The following RELL1 variants were observed in gnomAD, a reference collection of about 807,000 sequenced individuals.
The protein encoded by RELL1 is RELT-like protein 1.
In RELL1, 10 loss-of-function variants were observed where a neutral mutation model predicts 23.0. That is an observed-to-expected ratio of 0.43 (90% confidence interval 0.27 to 0.74). The LOEUF is 0.74. Among genes scored for constraint, RELL1 ranks in the 30% least tolerant of loss-of-function variants. RELL1 has a pLI of 0.19. For synonymous variants in RELL1, 146 were observed against 146.8 expected (o/e 0.99, Z 0.04); for missense variants, 315 against 364.4 (o/e 0.86, Z 1.10).
At chr4:37,610,101 CTG>C (rs1224068614), downstream of RELL1, among the ~76,000 whole-genome samples, 1 of 152,184 alleles carries the variant, frequency 6.6e-6, no homozygotes, top group African/African-American at 2.4e-5. This position sits in a 1 kb window ranked among gnomAD's most constrained non-coding sequence, Gnocchi z 4.1. Context: ...AACTTTATCA[CTG>C]TGTTATTTTA....
At chr4:37,630,933 T>C (rs1720107883) in intron 6 of RELL1, among the ~76,000 whole-genome samples, 1 of 151,280 alleles carries the variant, frequency 6.6e-6, no homozygotes, top group Non-Finnish European at 1.5e-5. Flanking sequence ...TTGGCCTGCA[T>C]GGTTGTTTAA....
At chr4:37,595,508 A>G (rs1285195544) in intron 6 of RELL1, among the ~76,000 whole-genome samples, 1 of 151,842 alleles carries the variant, frequency 6.6e-6, no homozygotes, top group Non-Finnish European at 1.5e-5. Context: ...GTCTGGAGTT[A>G]GTGATCTTTT....
intron 3 of RELL1, among the ~76,000 whole-genome samples, chr4:37,640,418 A>G (rs1213399172): frequency 1.3e-5 from 2 of 152,232 alleles, no homozygotes; most frequent in South Asian, 2.1e-4. Flanking sequence ...CTAATAAATG[A>G]GGATTCAGAA....
At chr4:37,604,900 GACAC>G (rs1483293891) in intron 6 of RELL1, among the ~76,000 whole-genome samples, 1,349 of 65,136 alleles carry the variant, frequency 0.021, 122 homozygotes, top group African/African-American at 0.034. Flanking sequence ...CACACACACA[GACAC>G]ACACACACAC....
chr4:37,666,023 G>A (rs1232222757), intron 1 of RELL1, among the ~76,000 whole-genome samples: 3 of 152,194 alleles, frequency 2.0e-5, no homozygotes, highest in Non-Finnish European at 2.9e-5. Context: ...GATGGTGACT[G>A]ATGCCCCTGT....
chr4:37,624,492 C>T (rs373699369), intron 6 of RELL1, among the ~76,000 whole-genome samples: 202 of 148,646 alleles, frequency 1.4e-3, no homozygotes, highest in African/African-American at 4.2e-3. Flanking sequence ...TGTGCAATCT[C>T]GGCTCACTGC....
At chr4:37,680,188 C>T (rs77638586) in intron 1 of RELL1, among the ~76,000 whole-genome samples, 5,669 of 152,162 alleles carry the variant, frequency 0.037, 153 homozygotes, top group African/African-American at 0.073. Flanking sequence ...AACAAATTAG[C>T]GAATATGTTT....
intron 1 of RELL1, among the ~76,000 whole-genome samples, chr4:37,660,802 C>T (rs532714176): frequency 1.1e-4 from 17 of 152,200 alleles, no homozygotes; most frequent in South Asian, 2.1e-4. Context: ...GAGGCCAAGG[C>T]GGGCAGATCA....
At chr4:37,683,274 G>A (rs4407515) in intron 1 of RELL1, among the ~76,000 whole-genome samples, 80,273 of 152,034 alleles carry the variant, frequency 0.53, 23,624 homozygotes, top group East Asian at 0.79. Context: ...AATCAAGCAG[G>A]CTGGGTTATC....
At chr4:37,666,108 A>T (rs1185477433) in intron 1 of RELL1, among the ~76,000 whole-genome samples, 1 of 152,238 alleles carries the variant, frequency 6.6e-6, no homozygotes, top group Non-Finnish European at 1.5e-5. Flanking sequence ...AACTGCTAAC[A>T]GCCACTAACC....
In RELL1 at chr4:37,634,966, G is replaced by T; in HGVS notation, c.601C>A (p.His201Asn). 1 of 1,614,218 alleles carries T rather than the reference G, an allele frequency of 6.2e-7. No individual in the cohort carries two copies. Among genetic ancestry groups the T allele is most frequent in the Non-Finnish European group, 8.5e-7 (1 of 1,180,044 alleles). ...GACTTGTTAGTGGGCTTTATAAAGT[G>T]CCACCGCTTGTGCCTACACCGATGA... Reference protein sequence around the residue: ...VCHRCRHKRWHFIKPTNKSRE... With the variant: ...VCHRCRHKRWNFIKPTNKSRE... The change falls in exon 5 of 7, where the codon CAC becomes AAC. Residue 201 changes from histidine (H) to asparagine (N), a missense_variant. Transcript: ENST00000454158.
chr4:37,630,934 G>A (rs965933081), intron 6 of RELL1, among the ~76,000 whole-genome samples: 12 of 151,060 alleles, frequency 7.9e-5, no homozygotes, highest in Admixed American at 3.3e-4. Context: ...TGGCCTGCAT[G>A]GTTGTTTAAA....
chr4:37,616,776 G>T (rs762850291), intron 6 of RELL1, among the ~76,000 whole-genome samples: 1 of 152,152 alleles, frequency 6.6e-6, no homozygotes, highest in African/African-American at 2.4e-5. Flanking sequence ...AATAATCTGT[G>T]CTCCTTTAAG....
chr4:37,669,596 G>A (rs192594727), intron 1 of RELL1, among the ~76,000 whole-genome samples: 2 of 152,234 alleles, frequency 1.3e-5, no homozygotes, highest in African/African-American at 4.8e-5. Context: ...AGAAAGGGGG[G>A]AAAGGTGGGG....
chr4:37,668,577 T>C (rs2109305259), intron 1 of RELL1, among the ~76,000 whole-genome samples: 1 of 152,016 alleles, frequency 6.6e-6, no homozygotes, highest in African/African-American at 2.4e-5. Context: ...AACATCCACC[T>C]CCCAGCAGCC....
downstream of RELL1, among the ~76,000 whole-genome samples, chr4:37,607,431 G>A (rs1389268994): frequency 6.6e-6 from 1 of 152,142 alleles, no homozygotes; most frequent in Non-Finnish European, 1.5e-5. Flanking sequence ...GCAGTAACAG[G>A]CATACCTCAT....
intron 3 of RELL1, among the ~76,000 whole-genome samples, chr4:37,642,094 A>G (rs1270520017): frequency 2.6e-5 from 4 of 152,178 alleles, no homozygotes; most frequent in Non-Finnish European, 5.9e-5. Flanking sequence ...CCCCGCCCAA[A>G]GGGACAGAGG....
chr4:37,669,043 C>T lies in RELL1; in HGVS notation c.88+17157G>A, dbSNP rs543125459. On this transcript the variant is annotated intron_variant, in intron 1 of 6. Coordinates refer to ENST00000454158, the MANE Select transcript of RELL1 (RefSeq NM_001085400.2). ...CCCCCGCCTGGCCAGCCGCCCCGTCCGGGAGGGAGGTGGGGGGGTCAGCCC... is the reference window on the plus strand; with the variant it reads ...CCCCCGCCTGGCCAGCCGCCCCGTCTGGGAGGGAGGTGGGGGGGTCAGCCC... 5.6e-4 allele frequency among the ~76,000 whole-genome samples: 75 copies of T among 133,576 alleles called. 8 individuals are homozygous for T. Among genetic ancestry groups the T allele is most frequent in the African/African-American group, 2.2e-3 (68 of 30,228 alleles). The allele number at this position is 133,576 out of a possible 152,430, so 87.6% of individuals were successfully genotyped here.
chr4:37,671,058 T>C lies in RELL1; in HGVS notation c.88+15142A>G, dbSNP rs79317781. Among the ~76,000 whole-genome samples, 911 of 152,306 alleles carry C rather than the reference T, an allele frequency of 6.0e-3. 14 individuals carry two copies. Among genetic ancestry groups the C allele is most frequent in the African/African-American group, 0.021 (875 of 41,552 alleles). On this transcript the variant is annotated intron_variant, in intron 1 of 6. Transcript: ENST00000454158. The stretch of plus-strand genomic sequence containing the variant: ...CCAACACCAACCGGGTGTCCCACAA[T>C]TCAATTAAATTCTGATACCACCTAG...
Sources: gnomAD v4.1 joint callset for allele counts (sites outside exome capture counted in the v4.1 genomes callset) on GRCh38, gnomAD v4.1.1 for gene constraint, Gnocchi (gnomAD v3.1) non-coding constraint, MANE v1.5 for transcripts, NCBI Gene and HGNC (gene_info 2026-07-23, HGNC 2026-07-21) for gene names.